MMP3: variants seen among roughly 807,000 people sequenced by gnomAD.
The protein encoded by MMP3 is stromelysin-1.
MMP3 carries 46 observed loss-of-function variants against 47.3 expected under a neutral mutation model. The observed-to-expected ratio is 0.97, with a 90% confidence interval of 0.77 to 1.24. The LOEUF is 1.24. MMP3 is among the 50% of genes most tolerant of loss of function. The probability of loss-of-function intolerance (pLI) is 0.00; values close to 1 mark genes in which losing one functional copy is unlikely to be tolerated. For missense variants in MMP3, 558 were observed against 565.5 expected (o/e 0.99, Z 0.13); for synonymous variants, 216 against 206.5 (o/e 1.05, Z -0.39).
chr11:102,839,147 A>G lies in MMP3; in HGVS notation c.1032T>C (p.Tyr344=). The G allele has an allele frequency of 1.2e-6, 2 of 1,614,164 alleles. No homozygotes were observed. Among genetic ancestry groups the G allele is most frequent in the Non-Finnish European group, 1.7e-6 (2 of 1,179,998 alleles). Reference sequence around the variant, plus strand: ...AAACGAGGTCCTTGCTAGTAACTTCATATGCGGCATCCACGCCTGAAGGAA... The same window carrying G: ...AAACGAGGTCCTTGCTAGTAACTTCGTATGCGGCATCCACGCCTGAAGGAA... The part of the protein sequence containing the change: ...PSLPSGVDAA[Y]EVTSKDLVFI... Residue 344 remains tyrosine, a synonymous_variant, in exon 7 of 10, where the codon TAT becomes TAC. Coordinates refer to ENST00000299855, the MANE Select transcript of MMP3 (RefSeq NM_002422.5).
Position 102,837,573 on chromosome 11 carries a change from T to C in MMP3, c.1230-172A>G, listed in dbSNP as rs1858905730. On this transcript the variant is annotated intron_variant, in intron 8 of 9. Coordinates refer to ENST00000299855, the MANE Select transcript of MMP3 (RefSeq NM_002422.5). The surrounding 1 kb of genome is among the most constrained non-coding windows in gnomAD (Gnocchi z 4.4). Reference sequence around the variant, plus strand: ...GTGACTTTAATGGTACTGTAAAGAGTTCTGAAAGCCATATCTCCATCCGGA... The same window carrying C: ...GTGACTTTAATGGTACTGTAAAGAGCTCTGAAAGCCATATCTCCATCCGGA... 6.6e-6 allele frequency among the ~76,000 whole-genome samples: 1 copy of C among 152,036 alleles called. No homozygotes were observed. The highest frequency in any genetic ancestry group is 1.5e-5 in the Non-Finnish European group (1 of 68,018).
At chr11:102,838,209 T>A (rs1352197767) in intron 8 of MMP3, among the ~76,000 whole-genome samples, 1 of 152,206 alleles carries the variant, frequency 6.6e-6, no homozygotes, top group East Asian at 1.9e-4. Context: ...ATTTTCCCAA[T>A]GGGTCTAAAG....
In MMP3 at chr11:102,839,093, G is replaced by C; in HGVS notation, c.1069+17C>G. ...GTTTACTTTGGCAAGTTAAACAAAT[G>C]ATGATATAGTAATTACCTTTAAAAA... On this transcript the variant is annotated intron_variant, in intron 7 of 9. Transcript: ENST00000299855. 6.2e-7 allele frequency: 1 copy of C among 1,600,098 alleles called. No individual in the cohort carries two copies. The highest frequency in any genetic ancestry group is 8.5e-7 in the Non-Finnish European group (1 of 1,174,836).
intron 5 of MMP3, 77 bp from the exon 6 acceptor site, chr11:102,840,329 G>C: frequency 6.3e-7 from 1 of 1,585,786 alleles, no homozygotes; most frequent in South Asian, 1.2e-5. Context: ...TTCTCACGGT[G>C]CTTTGAACTA....
Position 102,839,143 on chromosome 11 carries a change from C to A in MMP3, c.1036G>T (p.Val346Phe), listed in dbSNP as rs782267524. 6.2e-7 allele frequency: 1 copy of A among 1,614,048 alleles called. No individual in the cohort carries two copies. The highest frequency in any genetic ancestry group is 1.7e-5 in the Admixed American group (1 of 60,010). ...LPSGVDAAYE[V>F]TSKDLVFIFK... is the part of the protein sequence containing the mutation. ...ATGAAAACGAGGTCCTTGCTAGTAA[C>A]TTCATATGCGGCATCCACGCCTGAA... is the stretch of plus-strand genomic sequence containing the variant. Residue 346 changes from valine (V) to phenylalanine (F), a missense_variant, in exon 7 of 10, where the codon GTT becomes TTT. Coordinates refer to ENST00000299855, the MANE Select transcript of MMP3 (RefSeq NM_002422.5).
At chr11:102,842,386 TTGTTTTG>T in intron 3 of MMP3, 38 bp downstream of exon 3, 2 of 1,072,874 alleles carry the variant, frequency 1.9e-6, no homozygotes, top group Admixed American at 4.3e-5. Flanking sequence ...CATGTGTTTT[TTGTTTTG>T]TTTTGTTTTG....
intron 7 of MMP3, 107 bp downstream of exon 7, chr11:102,839,003 A>C: frequency 8.5e-7 from 1 of 1,175,418 alleles, no homozygotes; most frequent in Non-Finnish European, 1.2e-6. Context: ...ATTACCGTTG[A>C]CTACTGTATT....
intron 7 of MMP3, among the ~76,000 whole-genome samples, 159 bp downstream of exon 7, chr11:102,838,951 A>G (rs1398286498): frequency 6.6e-6 from 1 of 152,224 alleles, no homozygotes; most frequent in Non-Finnish European, 1.5e-5. Context: ...TTTATCATCT[A>G]TGAAATATAA....
At chr11:102,840,009 T>G (rs1247605900) in intron 6 of MMP3, 99 bp downstream of exon 6, 18 of 1,309,918 alleles carry the variant, frequency 1.4e-5, no homozygotes, top group Non-Finnish European at 1.8e-5. Flanking sequence ...GAAACGTTTT[T>G]GTTTTAAATG....
In MMP3 at chr11:102,840,586, A is replaced by G; in HGVS notation, c.633T>C (p.Asn211=). The G allele has an allele frequency of 6.2e-7, 1 of 1,613,466 alleles. No homozygotes were observed. Among genetic ancestry groups the G allele is most frequent in the Non-Finnish European group, 8.5e-7 (1 of 1,179,848 alleles). ...TTTCATGAGCAGCAACGAGAAATAA[A>G]TTGGTCCCTATTTAAGAAATTGAGA... ...EQWTKDTTGT[N]LFLVAAHEIG... Residue 211 remains asparagine, a synonymous_variant, in exon 5 of 10, where the codon AAT becomes AAC. Coordinates refer to ENST00000299855, the MANE Select transcript of MMP3 (RefSeq NM_002422.5).
chr11:102,840,964 G>T (rs1419240665), intron 4 of MMP3, among the ~76,000 whole-genome samples: 6 of 151,902 alleles, frequency 3.9e-5, no homozygotes, highest in Non-Finnish European at 8.8e-5. Context: ...ATTTGTCAAT[G>T]CAAAGCTAAA....
At position 102,840,214 on chromosome 11, in the gene MMP3, T is replaced by C. The variant is rs782178458; in HGVS notation, c.829A>G (p.Thr277Ala). Residue 277 changes from threonine to alanine, a missense_variant, in exon 6 of 10, where the codon ACG becomes GCG. Coordinates refer to ENST00000299855, the MANE Select transcript of MMP3 (RefSeq NM_002422.5). ...CCAGGTTCTGGAGGGACAGGTTCCG[T>C]GGGTACCAGGGGGGTCTCAGGGGAG... ...PDSPETPLVPTEPVPPEPGTP... is the reference protein window; with the variant it reads ...PDSPETPLVPAEPVPPEPGTP... 4.3e-6 allele frequency: 7 copies of C among 1,613,862 alleles called. No individual in the cohort carries two copies. Among genetic ancestry groups the C allele is most frequent in the Non-Finnish European group, 5.9e-6 (7 of 1,179,940 alleles).
At chr11:102,839,030 AG>A in intron 7 of MMP3, 79 bp downstream of exon 7, 1 of 1,489,172 alleles carries the variant, frequency 6.7e-7, no homozygotes, top group Non-Finnish European at 9.2e-7. Context: ...AACTTGTAGT[AG>A]GGAAAATTAA....
At chr11:102,838,449 AAG>A in intron 8 of MMP3, 100 bp downstream of exon 8, 1 of 1,253,294 alleles carries the variant, frequency 8.0e-7, no homozygotes, top group Middle Eastern at 2.5e-4. Flanking sequence ...CCTTCCTACT[AAG>A]AGAGAAGCAG....
Position 102,837,333 on chromosome 11 carries a change from A to G in MMP3, c.1298T>C (p.Ile433Thr). The change falls in exon 9 of 10, where the codon ATT becomes ACT. Residue 433 changes from isoleucine (I) to threonine (T), a missense_variant. Physicochemically the swap from Ile to Thr is moderately conservative, Grantham distance 89 (BLOSUM62 -1). Coordinates refer to ENST00000299855, the MANE Select transcript of MMP3 (RefSeq NM_002422.5). The surrounding 1 kb of genome is among the most constrained non-coding windows in gnomAD (Gnocchi z 4.4). ...PKQIAEDFPG[I>T]DSKIDAVFEE... ...AAAAACAGCATCAATCTTTGAGTCAATCCCTGGAAAGTCTTCAGCTATTTG... is the reference window on the plus strand; with the variant it reads ...AAAAACAGCATCAATCTTTGAGTCAGTCCCTGGAAAGTCTTCAGCTATTTG... The G allele has an allele frequency of 6.2e-7, 1 of 1,614,006 alleles. No homozygotes were observed. The highest frequency in any genetic ancestry group is 8.5e-7 in the Non-Finnish European group (1 of 1,179,976).
Position 102,836,177 on chromosome 11 carries a change from A to T in MMP3, c.1383T>A (p.Asn461Lys), listed in dbSNP as rs1858877272. The T allele has an allele frequency of 6.2e-7, 1 of 1,613,946 alleles. No individual in the cohort carries two copies. The highest frequency in any genetic ancestry group is 1.3e-5 in the African/African-American group (1 of 74,942). The change falls in exon 10 of 10, where the codon AAT becomes AAA. Residue 461 changes from asparagine to lysine, a missense_variant. Coordinates refer to ENST00000299855, the MANE Select transcript of MMP3 (RefSeq NM_002422.5). The surrounding 1 kb of genome is among the most constrained non-coding windows in gnomAD (Gnocchi z 4.6). ...TGSSQLEFDP[N>K]AKKVTHTLKS... Reference sequence around the variant, plus strand: ...TCAAAGTGTGTGTCACTTTCTTTGCATTTGGGTCAAACTCCAACTGTGAAG... The same window carrying T: ...TCAAAGTGTGTGTCACTTTCTTTGCTTTTGGGTCAAACTCCAACTGTGAAG...
rs782148478 is a variant in MMP3 at position 102,842,540 on chromosome 11, A to G, written c.390T>C (p.Val130=). The change falls in exon 3 of 10, where the codon GTT becomes GTC. Residue 130 remains valine (V), a synonymous_variant. Transcript: ENST00000299855. ...TCAGAGCTTTCTCAACAGCAGAATC[A>G]ACAGCATCTTTTGGCAAATCTGGTG... ...NYTPDLPKDA[V]DSAVEKALKV... is the part of the protein sequence containing the mutation. The G allele has an allele frequency of 7.4e-6, 12 of 1,613,538 alleles. No individual in the cohort carries two copies. The highest frequency in any genetic ancestry group is 9.3e-6 in the Non-Finnish European group (11 of 1,179,926).
In MMP3 at chr11:102,839,108, AC is replaced by A; in HGVS notation, c.1069+1del. On this transcript the variant is annotated splice_donor_variant, in intron 7 of 9. Transcript: ENST00000299855. LOFTEE classifies it high-confidence loss of function. ...TTAAACAAATGATGATATAGTAATTACCTTTAAAAATGAAAACGAGGTCCTT... is the reference window on the plus strand; with the variant it reads ...TTAAACAAATGATGATATAGTAATTACTTTAAAAATGAAAACGAGGTCCTT... The A allele has an allele frequency of 1.9e-6, 3 of 1,611,154 alleles. No homozygotes were observed. The highest frequency in any genetic ancestry group is 2.5e-6 in the Non-Finnish European group (3 of 1,179,224).
At chr11:102,838,197 A>T (rs910455687) in intron 8 of MMP3, among the ~76,000 whole-genome samples, 1 of 152,140 alleles carries the variant, frequency 6.6e-6, no homozygotes, top group Non-Finnish European at 1.5e-5. Flanking sequence ...GGTTCTCAGA[A>T]CATTTTCCCA....
Sources: gnomAD v4.1 joint callset for allele counts (sites outside exome capture counted in the v4.1 genomes callset) on GRCh38, gnomAD v4.1.1 for gene constraint, Gnocchi (gnomAD v3.1) non-coding constraint, MANE v1.5 for transcripts, NCBI Gene and HGNC (gene_info 2026-07-23, HGNC 2026-07-21) for gene names.